Variants in CNTNAP2 observed in about 807,000 individuals in gnomAD.
CNTNAP2 encodes contactin associated protein 2.
In CNTNAP2, 98 loss-of-function variants were observed where a neutral mutation model predicts 155.2. The observed-to-expected ratio is 0.63, with a 90% CI of 0.54 to 0.75. The LOEUF is 0.75. Ranked by LOEUF, CNTNAP2 falls within the 30% of genes least tolerant of loss-of-function variation. CNTNAP2 has a pLI of 0.00. For missense variants in CNTNAP2, 1,727 were observed against 1,688.1 expected (o/e 1.02, Z -0.40); for synonymous variants, 651 against 631.2 (o/e 1.03, Z -0.47).
intron 1 of CNTNAP2, among the ~76,000 whole-genome samples, chr7:146,336,122 C>A (rs1011933482): frequency 6.6e-6 from 1 of 151,442 alleles, no homozygotes; most frequent in African/African-American, 2.4e-5. Context: ...TTCCTTGAAC[C>A]TGGGAGGCGG....
chr7:148,025,423 C>A (rs1044225132), intron 15 of CNTNAP2, among the ~76,000 whole-genome samples: 20 of 152,178 alleles, frequency 1.3e-4, no homozygotes, highest in Non-Finnish European at 1.6e-4. Flanking sequence ...CATTCCCCAT[C>A]CCCCTACCCA....
intron 3 of CNTNAP2, among the ~76,000 whole-genome samples, chr7:147,035,848 C>A (rs901309424): frequency 7.2e-6 from 1 of 139,116 alleles, no homozygotes; most frequent in Non-Finnish European, 1.6e-5. Flanking sequence ...CACTTCAAAC[C>A]CCATAATAGT....
Position 147,128,819 on chromosome 7 carries a change from T to A in CNTNAP2, c.1066T>A (p.Leu356Ile), listed in dbSNP as rs1801292688. 1 of 1,614,010 alleles carries A rather than the reference T, an allele frequency of 6.2e-7. No individual in the cohort carries two copies. The highest frequency in any genetic ancestry group is 8.5e-7 in the Non-Finnish European group (1 of 1,179,904). ...NITDLARRKK[L>I]EPSNVGNLSF... is the part of the protein sequence containing the mutation. ...TACTGATCTTGCCAGAAGGAAGAAATTAGAGCCCTCAAATGTGGTAAGGAT... is the reference window on the plus strand; with the variant it reads ...TACTGATCTTGCCAGAAGGAAGAAAATAGAGCCCTCAAATGTGGTAAGGAT... Residue 356 changes from leucine (L) to isoleucine (I), a missense_variant, in exon 7 of 24, where the codon TTA becomes ATA. Leu to Ile is a conservative substitution (Grantham distance 5). Coordinates refer to ENST00000361727, the MANE Select transcript of CNTNAP2 (RefSeq NM_014141.6).
chr7:146,978,496 C>G (rs1337000079), intron 3 of CNTNAP2, among the ~76,000 whole-genome samples: 1 of 152,106 alleles, frequency 6.6e-6, no homozygotes, highest in African/African-American at 2.4e-5. Flanking sequence ...TAAGTAATAT[C>G]TAAGGCACTG....
chr7:146,621,800 G>C (rs1038328971), intron 1 of CNTNAP2, among the ~76,000 whole-genome samples: 3 of 152,140 alleles, frequency 2.0e-5, no homozygotes, highest in African/African-American at 7.2e-5. Flanking sequence ...CCTATGTGCA[G>C]TTCACATGTA....
intron 1 of CNTNAP2, among the ~76,000 whole-genome samples, chr7:146,581,929 G>A (rs1366192433): frequency 6.6e-6 from 1 of 152,002 alleles, no homozygotes; most frequent in Non-Finnish European, 1.5e-5. Flanking sequence ...AGGATATTCT[G>A]ACCACGAGGA....
At chr7:147,165,884 T>C (rs1043455012) in intron 8 of CNTNAP2, among the ~76,000 whole-genome samples, 2 of 152,174 alleles carry the variant, frequency 1.3e-5, no homozygotes, top group Admixed American at 6.5e-5. Context: ...AAATAATAGA[T>C]GTTGACATGG....
At chr7:148,092,897 A>C (rs1055319548) in intron 15 of CNTNAP2, among the ~76,000 whole-genome samples, 8 of 151,116 alleles carry the variant, frequency 5.3e-5, no homozygotes, top group South Asian at 2.1e-4. Flanking sequence ...AAAAAAAAAA[A>C]AACAACCACA....
intron 20 of CNTNAP2, among the ~76,000 whole-genome samples, chr7:148,260,384 A>G (rs1451461317): frequency 2.6e-5 from 4 of 152,156 alleles, no homozygotes; most frequent in African/African-American, 9.7e-5. Flanking sequence ...CCTATCTAAT[A>G]TCTATTCAAT....
At chr7:147,513,744 C>A (rs1349038604) in intron 11 of CNTNAP2, among the ~76,000 whole-genome samples, 16 of 152,254 alleles carry the variant, frequency 1.1e-4, no homozygotes, top group Admixed American at 1.0e-3. Context: ...CCCTCAGGTT[C>A]CCTGCACCTT....
intron 1 of CNTNAP2, among the ~76,000 whole-genome samples, chr7:146,579,490 G>A (rs570047237): frequency 6.6e-6 from 1 of 152,148 alleles, no homozygotes; most frequent in East Asian, 1.9e-4. Context: ...AGAAGTTAAC[G>A]TTATGGTCAA....
At chr7:147,686,021 A>G (rs1039232097) in intron 13 of CNTNAP2, among the ~76,000 whole-genome samples, 2 of 152,034 alleles carry the variant, frequency 1.3e-5, no homozygotes, top group African/African-American at 4.8e-5. Context: ...AGGGAGGGCC[A>G]TTAGTGGCAT....
intron 1 of CNTNAP2, among the ~76,000 whole-genome samples, chr7:146,357,001 C>T (rs556364545): frequency 3.9e-5 from 6 of 152,106 alleles, no homozygotes; most frequent in Admixed American, 1.3e-4. Context: ...TCTGCAAAAA[C>T]GACAGCATCC....
chr7:147,654,577 A>T (rs1584881599), intron 13 of CNTNAP2, among the ~76,000 whole-genome samples: 1 of 152,176 alleles, frequency 6.6e-6, no homozygotes, highest in Admixed American at 6.5e-5. Flanking sequence ...TTTCTATTAC[A>T]TTCGCAGTGA....
chr7:147,629,743 T>C (rs1795050529), intron 12 of CNTNAP2, among the ~76,000 whole-genome samples: 1 of 151,962 alleles, frequency 6.6e-6, no homozygotes, highest in Non-Finnish European at 1.5e-5. Context: ...GAGTCAACAA[T>C]GAAATAAAGA....
At chr7:148,083,269 T>C (rs1000238866) in intron 15 of CNTNAP2, among the ~76,000 whole-genome samples, 37 of 152,270 alleles carry the variant, frequency 2.4e-4, no homozygotes, top group African/African-American at 8.7e-4. Context: ...CATGATAATT[T>C]ATGGCTGACA....
chr7:148,388,688 G>A (rs1401547166), intron 22 of CNTNAP2, among the ~76,000 whole-genome samples: 2 of 152,064 alleles, frequency 1.3e-5, no homozygotes, highest in Non-Finnish European at 2.9e-5. Flanking sequence ...CTTTGATGAT[G>A]GTGATGTACA....
At chr7:147,696,642 G>A (rs1300146798) in intron 13 of CNTNAP2, among the ~76,000 whole-genome samples, 2 of 151,696 alleles carry the variant, frequency 1.3e-5, no homozygotes, top group Admixed American at 6.6e-5. Flanking sequence ...TATCATTTTT[G>A]TTTCCTCTGA....
At chr7:148,310,416 T>A (rs369076332) in intron 21 of CNTNAP2, among the ~76,000 whole-genome samples, 9,586 of 95,860 alleles carry the variant, frequency 0.1, no homozygotes, top group Non-Finnish European at 0.15. Flanking sequence ...CTGATAAAGT[T>A]TGTGATATGT....
Sources: gnomAD v4.1 joint callset for allele counts (sites outside exome capture counted in the v4.1 genomes callset) on GRCh38, gnomAD v4.1.1 for gene constraint, MANE v1.5 for transcripts, NCBI Gene and HGNC (gene_info 2026-07-23, HGNC 2026-07-21) for gene names.